Variants in BANP observed in about 807,000 individuals in gnomAD.
The protein encoded by BANP is protein BANP.
In BANP, 11 loss-of-function variants were observed where a neutral mutation model predicts 68.1. The ratio of observed to expected loss-of-function variants is 0.16; its 90% confidence interval spans 0.10 to 0.27. BANP has a LOEUF of 0.27. Ranked by LOEUF, BANP falls within the 10% of genes least tolerant of loss-of-function variation. The pLI is 1.00. For synonymous variants in BANP, 329 were observed against 303.2 expected (o/e 1.09, Z -0.88); for missense variants, 504 against 722.7 (o/e 0.70, Z 3.47).
At chr16:87,982,589 T>C (rs968917851) in intron 3 of BANP, 6 of 152,212 alleles carry the variant, frequency 3.9e-5, no homozygotes, top group Non-Finnish European at 8.8e-5. Context: ...CACGTGGGCT[T>C]GAGTCCACCT....
At chr16:88,053,830 AC>A (rs2084081950) in intron 11 of BANP, among the ~76,000 whole-genome samples, 1 of 147,770 alleles carries the variant, frequency 6.8e-6, no homozygotes, top group Non-Finnish European at 1.5e-5. Context: ...CACCAACACA[AC>A]CACCTTAACA....
Position 88,001,273 on chromosome 16 carries a change from C to T in BANP, c.363-3022C>T, listed in dbSNP as rs368326059. On this transcript the variant is annotated intron_variant, in intron 4 of 13. Transcript: ENST00000682872. ...GGCTGGACTTACCTGTCCTTCCAGA[C>T]ACCCAGACACGTCAACATGCACGCA... 8.7e-5 allele frequency among the ~76,000 whole-genome samples: 9 copies of T among 103,258 alleles called. 1 individual carries two copies. Among genetic ancestry groups the T allele is most frequent in the East Asian group, 3.6e-4 (1 of 2,756 alleles). 67.7% of individuals were successfully genotyped at this position (103,258 alleles called of 152,430 possible).
intron 4 of BANP, among the ~76,000 whole-genome samples, chr16:87,997,556 G>A (rs954922792): frequency 3.9e-5 from 6 of 152,086 alleles, no homozygotes; most frequent in African/African-American, 1.4e-4. Flanking sequence ...AGCCAGGATG[G>A]CTGGGAGTGA....
chr16:88,040,679 C>T (rs369608649), intron 11 of BANP, among the ~76,000 whole-genome samples: 33 of 152,370 alleles, frequency 2.2e-4, no homozygotes, highest in Middle Eastern at 6.8e-3. Context: ...AAGCATCCTT[C>T]ATGTGACACT....
intron 9 of BANP, chr16:88,034,965 T>A (rs2078997158): frequency 5.0e-6 from 1 of 200,110 alleles, no homozygotes; most frequent in African/African-American, 2.3e-5. Flanking sequence ...AGTCTGGTCG[T>A]CCTGCTCTGT....
chr16:88,043,448 G>A (rs1455797181), intron 11 of BANP, among the ~76,000 whole-genome samples: 1 of 152,178 alleles, frequency 6.6e-6, no homozygotes, highest in Non-Finnish European at 1.5e-5. Flanking sequence ...AGGCATCCGG[G>A]CAGCATTTTC....
chr16:87,974,017 C>T (rs1051286405), intron 1 of BANP, among the ~76,000 whole-genome samples: 3 of 152,120 alleles, frequency 2.0e-5, no homozygotes, highest in Admixed American at 6.5e-5. Context: ...GGACAGTGAA[C>T]GGACTCTTCC....
At chr16:88,001,527 A>T (rs532897571) in intron 4 of BANP, among the ~76,000 whole-genome samples, 75 of 152,340 alleles carry the variant, frequency 4.9e-4, no homozygotes, top group Admixed American at 1.1e-3. Flanking sequence ...TCCATAATTT[A>T]AAAAAAGTAT....
intron 1 of BANP, among the ~76,000 whole-genome samples, chr16:87,973,768 A>AAAAAAAAAAAAAAAAAAAAGAAAG (rs2061546192): frequency 9.5e-6 from 1 of 104,934 alleles, no homozygotes; most frequent in Non-Finnish European, 2.3e-5. Flanking sequence ...AAAAAAAAAA[A>AAAAAAAAAAAAAAAAAAAAGAAAG]AAAAAAGAAA....
At chr16:88,027,871 C>T (rs1216939367) in intron 8 of BANP, among the ~76,000 whole-genome samples, 1 of 152,252 alleles carries the variant, frequency 6.6e-6, no homozygotes, top group African/African-American at 2.4e-5. Context: ...CAGGCTCCTC[C>T]GTGAGGGACA....
chr16:87,965,336 C>T (rs78242385), intron 1 of BANP, among the ~76,000 whole-genome samples: 5,873 of 151,910 alleles, frequency 0.039, 212 homozygotes, highest in Non-Finnish European at 0.051. Flanking sequence ...AAATGGAGAC[C>T]GCAAGTACAG....
chr16:88,043,738 G>A (rs2081336291), intron 11 of BANP, among the ~76,000 whole-genome samples: 1 of 152,218 alleles, frequency 6.6e-6, no homozygotes, highest in African/African-American at 2.4e-5. Context: ...GTGTGCCAGA[G>A]ATTCATAGAG....
chr16:88,053,900 C>T (rs2084134004), intron 11 of BANP, among the ~76,000 whole-genome samples: 1 of 107,398 alleles, frequency 9.3e-6, no homozygotes, highest in Non-Finnish European at 2.5e-5. Flanking sequence ...GTCCCCTTCA[C>T]CACCACCACC....
intron 1 of BANP, among the ~76,000 whole-genome samples, chr16:87,961,327 T>C (rs1216394604): frequency 1.3e-5 from 2 of 152,228 alleles, no homozygotes; most frequent in Non-Finnish European, 2.9e-5. Flanking sequence ...CATTTTATTT[T>C]ATTTTTTCGT....
intron 1 of BANP, among the ~76,000 whole-genome samples, chr16:87,972,801 C>A (rs1318889218): frequency 6.6e-6 from 1 of 152,108 alleles, no homozygotes; most frequent in Non-Finnish European, 1.5e-5. Flanking sequence ...GTGTTCAGTT[C>A]CAAGCCGTTT....
chr16:87,987,699 C>A (rs184422206), intron 4 of BANP, among the ~76,000 whole-genome samples: 1 of 75,950 alleles, frequency 1.3e-5, no homozygotes, highest in Non-Finnish European at 2.8e-5. Flanking sequence ...CCAGGCTGAG[C>A]GAGACCCTAA....
chr16:88,057,787 G>GCCCTGT lies in BANP; in HGVS notation c.1312-7476_1312-7471dup, dbSNP rs1342950987. 4.6e-5 allele frequency among the ~76,000 whole-genome samples: 7 copies of GCCCTGT among 151,340 alleles called. No homozygotes were observed. The highest frequency in any genetic ancestry group is 8.8e-5 in the Non-Finnish European group (6 of 67,914). On this transcript the variant is annotated intron_variant, in intron 11 of 13. Coordinates refer to ENST00000682872, the MANE Select transcript of BANP (RefSeq NM_001386991.1). The surrounding 1 kb of genome is among the most constrained non-coding windows in gnomAD (Gnocchi z 4.6). ...GGGGTGCGTGCAGTGACTCGCGCTG[G>GCCCTGT]CCCTGTCCCCGCACCCTGGACTCCA...
chr16:88,015,374 C>A (rs761499996), intron 6 of BANP, among the ~76,000 whole-genome samples: 1 of 152,132 alleles, frequency 6.6e-6, no homozygotes, highest in Non-Finnish European at 1.5e-5. Context: ...CAGTTCAGCT[C>A]GGACCACGCT....
At chr16:87,960,404 G>A (rs2058924298) in intron 1 of BANP, among the ~76,000 whole-genome samples, 1 of 152,186 alleles carries the variant, frequency 6.6e-6, no homozygotes, top group African/African-American at 2.4e-5. Flanking sequence ...AGGTTGGCAG[G>A]CAAGGATTTG....
Sources: gnomAD v4.1 joint callset for allele counts (sites outside exome capture counted in the v4.1 genomes callset) on GRCh38, gnomAD v4.1.1 for gene constraint, Gnocchi (gnomAD v3.1) non-coding constraint, MANE v1.5 for transcripts, NCBI Gene and HGNC (gene_info 2026-07-23, HGNC 2026-07-21) for gene names.